Variants in AMN observed in about 807,000 individuals in gnomAD.
AMN encodes protein amnionless.
A neutral mutation model predicts 49.1 loss-of-function variants in AMN; 40 were observed. The ratio of observed to expected loss-of-function variants is 0.81; its 90% confidence interval spans 0.63 to 1.06. The LOEUF is 1.06. Among genes scored for constraint, AMN ranks in the 50% least tolerant of loss-of-function variants. The pLI is 0.00. For synonymous variants in AMN, 380 were observed against 313.3 expected, an observed-to-expected ratio of 1.21 and a Z score of -2.25; for missense variants, 701 against 662.8, an observed-to-expected ratio of 1.06 and a Z score of -0.63.
chr14:102,922,860 G>A (rs767176145), intron 1 of AMN, 129 bp downstream of exon 1: 216 of 1,341,584 alleles, frequency 1.6e-4, no homozygotes, highest in Non-Finnish European at 1.8e-4. Flanking sequence ...GGAGGGTTGG[G>A]GGCGTGAAAC....
chr14:102,928,346 C>T, intron 3 of AMN, 80 bp from the exon 4 acceptor site: 2 of 1,342,258 alleles, frequency 1.5e-6, no homozygotes, highest in East Asian at 2.5e-5. Context: ...GGCTTCTCGT[C>T]CCAGGGGACT....
chr14:102,923,496 C>T, intron 1 of AMN: 5 of 577,700 alleles, frequency 8.7e-6, no homozygotes, highest in South Asian at 1.9e-5. Context: ...GCGGGCTCTG[C>T]AGGTATCAGT....
intron 8 of AMN, 25 bp from the exon 9 acceptor site, chr14:102,929,899 A>G (rs1423037523): frequency 1.3e-6 from 2 of 1,551,040 alleles, no homozygotes; most frequent in Admixed American, 3.9e-5. Flanking sequence ...GGGCTGAGTC[A>G]AACCAACCCC....
chr14:102,923,056 C>T (rs1891096651), intron 1 of AMN: 1 of 347,338 alleles, frequency 2.9e-6, no homozygotes, highest in Non-Finnish European at 5.4e-6. Flanking sequence ...CCGAGAGCAG[C>T]GAGTGTGCGC....
At chr14:102,923,538 G>T in intron 1 of AMN, 173 bp from the exon 2 acceptor site, 1 of 663,084 alleles carries the variant, frequency 1.5e-6, no homozygotes, top group Non-Finnish European at 2.7e-6. Context: ...CGGGCAGGGC[G>T]CCCACAGTCT....
At position 102,929,651 on chromosome 14, in the gene AMN, G is replaced by T; in HGVS notation, c.761-4G>T. On this transcript the variant is annotated splice_region_variant and splice_polypyrimidine_tract_variant and intron_variant, in intron 7 of 11. Transcript: ENST00000299155. ...CGGCGCTGACCCCTGCCCTCCCGCC[G>T]CAGGAGCCGTTGTGTTGCTGACCCA... The T allele has an allele frequency of 6.5e-7, 1 of 1,549,140 alleles. No individual in the cohort carries two copies. Among genetic ancestry groups the T allele is most frequent in the Non-Finnish European group, 8.7e-7 (1 of 1,146,874 alleles).
Position 102,930,207 on chromosome 14 carries a change from G to A in AMN, c.1049G>A (p.Gly350Asp). ...GVLEATMRES[G>D]AHVWGSSAAG... Reference sequence around the variant, plus strand: ...CTGGAGGCGACCATGCGGGAGTCGGGCGCACACGTCTGGGGCAGCTCCGCG... The same window carrying A: ...CTGGAGGCGACCATGCGGGAGTCGGACGCACACGTCTGGGGCAGCTCCGCG... The change falls in exon 10 of 12, where the codon GGC becomes GAC. Residue 350 changes from glycine (G) to aspartate (D), a missense_variant. Gly to Asp is a moderately conservative substitution (Grantham distance 94). Coordinates refer to ENST00000299155, the MANE Select transcript of AMN (RefSeq NM_030943.4). 1 of 1,473,064 alleles carries A rather than the reference G, an allele frequency of 6.8e-7. No individual in the cohort carries two copies. Among genetic ancestry groups the A allele is most frequent in the Non-Finnish European group, 8.9e-7 (1 of 1,118,688 alleles). 91.2% of individuals were successfully genotyped at this position (1,473,064 alleles called of 1,614,324 possible). A position where few individuals can be genotyped will look rare whatever the true frequency, so the allele number is the denominator to read the frequency against.
intron 3 of AMN, among the ~76,000 whole-genome samples, chr14:102,925,062 G>A (rs995112709): frequency 6.6e-6 from 1 of 152,234 alleles, no homozygotes; most frequent in Non-Finnish European, 1.5e-5. Context: ...CCAGCTTCCA[G>A]GGTGACTGTG....
chr14:102,930,167 G>A lies in AMN; in HGVS notation c.1009G>A (p.Glu337Lys). 6.7e-7 allele frequency: 1 copy of A among 1,488,646 alleles called. No homozygotes were observed. Among genetic ancestry groups the A allele is most frequent in the Non-Finnish European group, 8.9e-7 (1 of 1,126,240 alleles). 92.2% of individuals were successfully genotyped at this position (1,488,646 alleles called of 1,614,324 possible). The change falls in exon 10 of 12, where the codon GAG becomes AAG. Residue 337 changes from glutamate (E) to lysine (K), a missense_variant and splice_region_variant. Physicochemically the swap from Glu to Lys is moderately conservative, Grantham distance 56 (BLOSUM62 1). Transcript: ENST00000299155. ...CTGAGCCGGCCCCTCCGTCGCAGGC[G>A]AGGCCCTCGGCGTCCTGGAGGCGAC... ...ALLADVAENGEALGVLEATMR... is the reference protein window; with the variant it reads ...ALLADVAENGKALGVLEATMR...
In AMN at chr14:102,930,427, G is replaced by C; in HGVS notation, c.1191G>C (p.Ala397=). 6.6e-7 allele frequency: 1 copy of C among 1,520,692 alleles called. No individual in the cohort carries two copies. The allele number at this position is 1,520,692 out of a possible 1,614,324, so 94.2% of individuals were successfully genotyped here. A position where few individuals can be genotyped will look rare whatever the true frequency, so the allele number is the denominator to read the frequency against. ...GRLRWRRHEA[A]APAGAPLGFR... ...TCAGGTGGAGGAGGCACGAGGCGGCGGCCCCGGCTGGAGCGCCCCTCGGCT... is the reference window on the plus strand; with the variant it reads ...TCAGGTGGAGGAGGCACGAGGCGGCCGCCCCGGCTGGAGCGCCCCTCGGCT... The change falls in exon 11 of 12, where the codon GCG becomes GCC. Residue 397 remains alanine, a synonymous_variant. Transcript: ENST00000299155.
chr14:102,922,962 G>A, intron 1 of AMN: 1 of 580,860 alleles, frequency 1.7e-6, no homozygotes, highest in South Asian at 2.6e-5. Flanking sequence ...AGGGGCTCCG[G>A]GAACCTCGGC....
rs775510849 is a variant in AMN, at chr14:102,928,509, C to A, written c.291C>A (p.Gly97=). The change falls in exon 4 of 12, where the codon GGC becomes GGA. Residue 97 remains glycine, a synonymous_variant. Transcript: ENST00000299155. Reference sequence around the variant, plus strand: ...ACGTGGGCTCGCACCTGGACTGTGGCGCGGGTGAGGCGGTCGGGCAGGGGC... The same window carrying A: ...ACGTGGGCTCGCACCTGGACTGTGGAGCGGGTGAGGCGGTCGGGCAGGGGC... ...VSDVGSHLDC[G]AGEPAVFRDS... 1.2e-6 allele frequency: 2 copies of A among 1,606,500 alleles called. No homozygotes were observed. Among genetic ancestry groups the A allele is most frequent in the East Asian group, 2.2e-5 (1 of 44,704 alleles).
At position 102,929,511 on chromosome 14, in the gene AMN, C is replaced by A; in HGVS notation, c.735C>A (p.Pro245=). 1 of 1,535,038 alleles carries A rather than the reference C, an allele frequency of 6.5e-7. No individual in the cohort carries two copies. Among genetic ancestry groups the A allele is most frequent in the Non-Finnish European group, 8.7e-7 (1 of 1,145,888 alleles). ...PQAACHSALR[P]QGQCCDLCGA... is the part of the protein sequence containing the mutation. ...CCGCCTGCCACAGCGCCCTCCGGCC[C>A]CAGGGGCAGTGCTGTGACCTCTGTG... Residue 245 remains proline, a synonymous_variant, in exon 7 of 12, where the codon CCC becomes CCA. Transcript: ENST00000299155.
chr14:102,929,775 C>A, intron 8 of AMN, 38 bp downstream of exon 8: 2 of 1,547,612 alleles, frequency 1.3e-6, no homozygotes, highest in Non-Finnish European at 1.7e-6. Context: ...GGAGTCCCGA[C>A]CCCAGCCCTA....
At chr14:102,929,773 G>T in intron 8 of AMN, 36 bp downstream of exon 8, 2 of 1,547,666 alleles carry the variant, frequency 1.3e-6, no homozygotes, top group South Asian at 2.4e-5. Context: ...GGGGAGTCCC[G>T]ACCCCAGCCC....
At position 102,929,939 on chromosome 14, in the gene AMN, C is replaced by A; in HGVS notation, c.859C>A (p.Leu287Met). The change falls in exon 9 of 12, where the codon CTG (leucine) becomes ATG (methionine). Residue 287 changes from leucine to methionine, a missense_variant. By Grantham distance (15) the Leu-to-Met change is conservative. Transcript: ENST00000299155. ...TFLGLPQYHGLQVAVSKVPRS... is the reference protein window; with the variant it reads ...TFLGLPQYHGMQVAVSKVPRS... ...CCCTCCCCAGCCTCAGTACCACGGG[C>A]TGCAGGTGGCCGTGTCCAAGGTGCC... is the stretch of plus-strand genomic sequence containing the variant. 6.4e-7 allele frequency: 1 copy of A among 1,561,132 alleles called. No individual in the cohort carries two copies. Among genetic ancestry groups the A allele is most frequent in the East Asian group, 2.4e-5 (1 of 41,416 alleles).
At position 102,929,750 on chromosome 14, in the gene AMN, C is replaced by T. The variant is rs1475893211; in HGVS notation, c.843+13C>T. On this transcript the variant is annotated intron_variant, in intron 8 of 11. Coordinates refer to ENST00000299155, the MANE Select transcript of AMN (RefSeq NM_030943.4). Reference sequence around the variant, plus strand: ...CTTCCTGGGTCTGGTAATGGGGCCGCGCGGGCAGCTGAGGGGAGTCCCGAC... The same window carrying T: ...CTTCCTGGGTCTGGTAATGGGGCCGTGCGGGCAGCTGAGGGGAGTCCCGAC... The T allele has an allele frequency of 2.6e-6, 4 of 1,549,384 alleles. No individual in the cohort carries two copies. The African/African-American group carries it at 4.1e-5, about 16-fold the overall frequency.
At chr14:102,929,054 TG>T in intron 5 of AMN, 66 bp from the exon 6 acceptor site, 1 of 1,596,902 alleles carries the variant, frequency 6.3e-7, no homozygotes, top group Non-Finnish European at 8.5e-7. Context: ...CTGCACACGT[TG>T]GGTCTGAGCA....
rs779550596 is a variant in AMN at position 102,929,913 on chromosome 14, C to T, written c.844-11C>T. On this transcript the variant is annotated splice_polypyrimidine_tract_variant and intron_variant, in intron 8 of 11. Transcript: ENST00000299155. ...GGGGCTGAGTCAAACCAACCCCGTC[C>T]CCCTCCCCAGCCTCAGTACCACGGG... The T allele has an allele frequency of 4.4e-5, 68 of 1,553,526 alleles. No homozygotes were observed. Among genetic ancestry groups the T allele is most frequent in the Non-Finnish European group, 3.5e-5 (40 of 1,149,212 alleles).
Sources: gnomAD v4.1 joint callset for allele counts (sites outside exome capture counted in the v4.1 genomes callset) on GRCh38, gnomAD v4.1.1 for gene constraint, MANE v1.5 for transcripts, NCBI Gene and HGNC (gene_info 2026-07-23, HGNC 2026-07-21) for gene names.